Variants in ZDHHC20 observed in about 807,000 individuals in gnomAD.
ZDHHC20 encodes the protein palmitoyltransferase ZDHHC20.
ZDHHC20 carries 43 observed loss-of-function variants against 57.8 expected under a neutral mutation model. The observed-to-expected ratio is 0.74, with a 90% CI of 0.58 to 0.96. ZDHHC20 has a LOEUF of 0.96. Among genes scored for constraint, ZDHHC20 ranks in the 40% least tolerant of loss-of-function variants. The pLI is 0.00. For synonymous variants in ZDHHC20, 157 were observed against 153.0 expected, an observed-to-expected ratio of 1.03 and a Z score of -0.19; for missense variants, 391 against 441.1, an observed-to-expected ratio of 0.89 and a Z score of 1.02.
At chr13:21,381,706 T>C (rs1046979380) in intron 10 of ZDHHC20, among the ~76,000 whole-genome samples, 157 bp from the exon 11 acceptor site, 4 of 152,124 alleles carry the variant, frequency 2.6e-5, no homozygotes, top group Admixed American at 2.0e-4. Flanking sequence ...AAAATAAAAA[T>C]AGGCCCACAA....
At position 21,459,138 on chromosome 13, in the gene ZDHHC20, G is replaced by A; in HGVS notation, c.34C>T (p.Arg12Cys). The change falls in exon 1 of 13, where the codon CGC (arginine) becomes TGC (cysteine). Residue 12 changes from arginine to cysteine, a missense_variant. Physicochemically the swap from Arg to Cys is radical, Grantham distance 180. Coordinates refer to ENST00000400590, the MANE Select transcript of ZDHHC20 (RefSeq NM_001330059.2). ...APWTLWRCCQRVVGWVPVLFI... is the reference protein window; with the variant it reads ...APWTLWRCCQCVVGWVPVLFI... ...AGCACCGGCACCCAGCCCACGACGC[G>A]CTGGCAGCAGCGCCACAGCGTCCAG... 6.2e-7 allele frequency: 1 copy of A among 1,604,946 alleles called. No homozygotes were observed. The highest frequency in any genetic ancestry group is 1.4e-5 in the African/African-American group (1 of 73,768).
intron 1 of ZDHHC20, among the ~76,000 whole-genome samples, chr13:21,446,849 A>G (rs1033106799): frequency 2.7e-4 from 41 of 152,298 alleles, no homozygotes; most frequent in African/African-American, 9.6e-4. Flanking sequence ...GTCTATAGAA[A>G]ATAGATTTCT....
Position 21,375,472 on chromosome 13 carries a change from G to A in ZDHHC20, c.*1224C>T. 1 of 224,248 alleles carries A rather than the reference G, an allele frequency of 4.5e-6. No homozygotes were observed. The highest frequency in any genetic ancestry group is 5.2e-5 in the South Asian group (1 of 19,292). The allele number at this position is 224,248 out of a possible 1,614,324, so 13.9% of individuals were successfully genotyped here. On this transcript the variant is annotated 3_prime_UTR_variant, in exon 13 of 13. Transcript: ENST00000400590. ...CCTCCTGTCGCTTAGATTTTAAAAG[G>A]AAAAAGGAGAAATGTGTCTAGTCAT...
intron 2 of ZDHHC20, among the ~76,000 whole-genome samples, chr13:21,423,653 G>A (rs937687009): frequency 7.3e-5 from 11 of 150,740 alleles, no homozygotes; most frequent in Non-Finnish European, 1.3e-4. Flanking sequence ...TAGCCTGAGC[G>A]ACAGAGCGAG....
chr13:21,414,667 G>A (rs920418286), intron 3 of ZDHHC20, among the ~76,000 whole-genome samples: 1 of 151,766 alleles, frequency 6.6e-6, no homozygotes, highest in Non-Finnish European at 1.5e-5. Context: ...CACCGCGCCC[G>A]GCCTAGGGCT....
At chr13:21,457,539 A>G (rs963316527) in intron 1 of ZDHHC20, among the ~76,000 whole-genome samples, 2 of 152,242 alleles carry the variant, frequency 1.3e-5, no homozygotes, top group Non-Finnish European at 2.9e-5. Context: ...GCATGAGACT[A>G]AACAATGATA....
At chr13:21,392,585 C>A (rs770831629) in intron 7 of ZDHHC20, among the ~76,000 whole-genome samples, 1 of 152,126 alleles carries the variant, frequency 6.6e-6, no homozygotes, top group Non-Finnish European at 1.5e-5. Context: ...TCTCTGGTAT[C>A]CCTTCTTATG....
intron 8 of ZDHHC20, 31 bp downstream of exon 8, chr13:21,391,691 A>C: frequency 1.3e-6 from 2 of 1,578,628 alleles, no homozygotes; most frequent in Non-Finnish European, 8.6e-7. Flanking sequence ...TCATTGTCCT[A>C]AGTAATTATA....
chr13:21,380,552 G>C (rs866227671), intron 11 of ZDHHC20, among the ~76,000 whole-genome samples: 1 of 151,960 alleles, frequency 6.6e-6, no homozygotes, highest in African/African-American at 2.4e-5. Context: ...CCAGCACTTT[G>C]GGGGGCTGAG....
intron 1 of ZDHHC20, among the ~76,000 whole-genome samples, chr13:21,437,971 G>A (rs755136318): frequency 2.0e-5 from 3 of 152,212 alleles, no homozygotes; most frequent in Admixed American, 6.5e-5. Flanking sequence ...GATTACAGGC[G>A]TGAGCCACCG....
chr13:21,435,535 G>T (rs116889645), intron 1 of ZDHHC20, among the ~76,000 whole-genome samples: 2 of 152,148 alleles, frequency 1.3e-5, no homozygotes, highest in Non-Finnish European at 2.9e-5. Flanking sequence ...AATAAAATAC[G>T]TGTTAGATTA....
At chr13:21,450,054 GACAGA>G (rs1470367020) in intron 1 of ZDHHC20, among the ~76,000 whole-genome samples, 1 of 152,034 alleles carries the variant, frequency 6.6e-6, no homozygotes, top group African/African-American at 2.4e-5. Context: ...GACATTTAAT[GACAGA>G]ACAAGCTGAT....
intron 3 of ZDHHC20, 38 bp from the exon 4 acceptor site, chr13:21,413,810 C>A: frequency 1.3e-6 from 2 of 1,546,664 alleles, no homozygotes; most frequent in Admixed American, 2.0e-5. Flanking sequence ...TTTTTTAATC[C>A]CATGATGTTA....
chr13:21,449,258 C>A (rs558186738), intron 1 of ZDHHC20, among the ~76,000 whole-genome samples: 1 of 151,984 alleles, frequency 6.6e-6, no homozygotes, highest in African/African-American at 2.4e-5. Flanking sequence ...AATAAACAAC[C>A]ACTGTTCATT....
At chr13:21,407,745 G>A (rs557765598) in intron 4 of ZDHHC20, among the ~76,000 whole-genome samples, 1 of 152,244 alleles carries the variant, frequency 6.6e-6, no homozygotes, top group South Asian at 2.1e-4. Context: ...GGTTTTTATG[G>A]TTTTAGGTCT....
At chr13:21,453,615 ATACAAAG>A (rs1304758557) in intron 1 of ZDHHC20, among the ~76,000 whole-genome samples, 2 of 152,226 alleles carry the variant, frequency 1.3e-5, no homozygotes, top group Non-Finnish European at 2.9e-5. Flanking sequence ...GATTTAAGTC[ATACAAAG>A]TATGTTCTCT....
chr13:21,400,316 G>C, intron 7 of ZDHHC20, 57 bp downstream of exon 7: 1 of 1,450,044 alleles, frequency 6.9e-7, no homozygotes, highest in Non-Finnish European at 9.2e-7. Context: ...TAATTTATTA[G>C]GAAGATAGCA....
intron 8 of ZDHHC20, among the ~76,000 whole-genome samples, chr13:21,389,592 T>C (rs1875269675): frequency 6.6e-6 from 1 of 152,162 alleles, no homozygotes; most frequent in African/African-American, 2.4e-5. Context: ...TTGAAAAAGA[T>C]TGTTCAAGAG....
intron 3 of ZDHHC20, among the ~76,000 whole-genome samples, chr13:21,414,468 C>T (rs1386284184): frequency 6.6e-6 from 1 of 151,114 alleles, no homozygotes; most frequent in Admixed American, 6.6e-5. Context: ...TCATGCCATT[C>T]TCCTGCCTCA....
Sources: gnomAD v4.1 joint callset for allele counts (sites outside exome capture counted in the v4.1 genomes callset) on GRCh38, gnomAD v4.1.1 for gene constraint, MANE v1.5 for transcripts, NCBI Gene and HGNC (gene_info 2026-07-23, HGNC 2026-07-21) for gene names.